GPR137: variants seen among roughly 807,000 people sequenced by gnomAD.
GPR137 encodes integral membrane protein GPR137.
GPR137 carries 20 observed loss-of-function variants against 38.9 expected under a neutral mutation model. The ratio of observed to expected loss-of-function variants is 0.51; its 90% CI spans 0.36 to 0.75. The LOEUF (loss-of-function observed/expected upper bound fraction) is 0.75, where lower values mean the gene tolerates loss of function less well. Among genes scored for constraint, GPR137 ranks in the 30% least tolerant of loss-of-function variants. GPR137 has a pLI of 0.00. For synonymous variants in GPR137, 226 were observed against 235.8 expected (o/e 0.96, Z 0.38); for missense variants, 456 against 526.4 (o/e 0.87, Z 1.31).
Position 64,286,647 on chromosome 11 carries a change from C to G in GPR137, c.123C>G (p.Val41=). ...TTLYALLFFS[V]YAQLWLVLLY... ...TGTATGCCCTGCTCTTCTTCTCCGT[C>G]TATGCCCAGCTCTGGCTGGTGCTTC... Residue 41 remains valine, a synonymous_variant, in exon 1 of 7, where the codon GTC becomes GTG. Transcript: ENST00000438980. The G allele has an allele frequency of 6.2e-7, 1 of 1,614,120 alleles. No homozygotes were observed. The highest frequency in any genetic ancestry group is 8.5e-7 in the Non-Finnish European group (1 of 1,179,972).
upstream of GPR137, among the ~76,000 whole-genome samples, chr11:64,280,633 G>A (rs537441930): frequency 2.0e-4 from 30 of 149,924 alleles, no homozygotes; most frequent in African/African-American, 6.1e-4. Flanking sequence ...TTACAGGCGT[G>A]AGCCACCGCG....
At chr11:64,271,778 ACTCCGGATCTCCACAGCCCCAGCGC>A (rs1325663836), upstream of GPR137, 1 of 1,324,626 alleles carries the variant, frequency 7.5e-7, no homozygotes, top group Non-Finnish European at 9.7e-7. Flanking sequence ...AGCTGTGGCG[ACTCCGGATCTCCACAGCCCCAGCGC>A]CTGCAGAGGG....
chr11:64,284,163 G>T (rs2033676007), upstream of GPR137: 1 of 1,555,970 alleles, frequency 6.4e-7, no homozygotes, highest in Non-Finnish European at 8.7e-7. Context: ...CCGGCAGGTG[G>T]AGGTGGTGGG....
At chr11:64,278,728 G>A (rs184569482) in intron 2 of GPR137, among the ~76,000 whole-genome samples, 1 of 152,338 alleles carries the variant, frequency 6.6e-6, no homozygotes, top group Admixed American at 6.5e-5. Context: ...TGGGCTGTGT[G>A]GGCTGTCACA....
chr11:64,288,679 A>G lies in GPR137; in HGVS notation c.989A>G (p.Asp330Gly). 1 of 1,590,410 alleles carries G rather than the reference A, an allele frequency of 6.3e-7. No individual in the cohort carries two copies. The highest frequency in any genetic ancestry group is 1.7e-4 in the Middle Eastern group (1 of 6,032). ...TTTGACCGGGCTGGGCACTGTGAAGATGAGGGCTGCTCCTGGGAGCACAGC... is the reference window on the plus strand; with the variant it reads ...TTTGACCGGGCTGGGCACTGTGAAGGTGAGGGCTGCTCCTGGGAGCACAGC... Reference protein sequence around the residue: ...YFFDRAGHCEDEGCSWEHSRG... With the variant: ...YFFDRAGHCEGEGCSWEHSRG... The change falls in exon 6 of 7, where the codon GAT (aspartate) becomes GGT (glycine). Residue 330 changes from aspartate to glycine, a missense_variant. Physicochemically the swap from Asp to Gly is moderately conservative, Grantham distance 94. Coordinates refer to ENST00000438980, the MANE Select transcript of GPR137 (RefSeq NM_001170880.2). This position sits in a 1 kb window ranked among gnomAD's most constrained non-coding sequence, Gnocchi z 5.5.
rs375255078 is a variant in GPR137 at position 64,287,863 on chromosome 11, G to A, written c.550G>A (p.Val184Ile). Reference sequence around the variant, plus strand: ...CGTCCTGGTGAGCGACTCCCTGTTCGTCATCTGCGCGCTGTCTCTTGCTGC... The same window carrying A: ...CGTCCTGGTGAGCGACTCCCTGTTCATCATCTGCGCGCTGTCTCTTGCTGC... The part of the protein sequence containing the change: ...VRVLVSDSLF[V>I]ICALSLAACL... Residue 184 changes from valine to isoleucine, a missense_variant, in exon 3 of 7, where the codon GTC becomes ATC. Transcript: ENST00000438980. 5.0e-6 allele frequency: 8 copies of A among 1,604,606 alleles called. No homozygotes were observed. In the African/African-American group the frequency reaches 5.3e-5, roughly 11 times the overall value.
chr11:64,286,781 G>T lies in GPR137; in HGVS notation c.257G>T (p.Arg86Leu). ...TCCTTCTACTTCCGAGATACTCCCC[G>T]CGCCAACCGCCTGGGGCCCTTGCCC... ...LFSFYFRDTP[R>L]ANRLGPLPFW... The change falls in exon 1 of 7, where the codon CGC becomes CTC. Residue 86 changes from arginine to leucine, a missense_variant. Physicochemically the swap from Arg to Leu is moderately radical, Grantham distance 102. Transcript: ENST00000438980. The T allele has an allele frequency of 6.2e-7, 1 of 1,609,848 alleles. No homozygotes were observed. The highest frequency in any genetic ancestry group is 8.5e-7 in the Non-Finnish European group (1 of 1,177,372).
chr11:64,283,554 G>C (rs192288267), upstream of GPR137, among the ~76,000 whole-genome samples: 3 of 152,338 alleles, frequency 2.0e-5, no homozygotes, highest in East Asian at 5.8e-4. Context: ...CCTGGCCACT[G>C]TGCCAGGACA....
chr11:64,281,718 G>A (rs1051150435), upstream of GPR137, among the ~76,000 whole-genome samples: 1 of 152,098 alleles, frequency 6.6e-6, no homozygotes, highest in African/African-American at 2.4e-5. Flanking sequence ...CTGTGACTCC[G>A]GATTCTCTTA....
chr11:64,281,198 C>G (rs1478743540), upstream of GPR137, among the ~76,000 whole-genome samples: 1 of 151,972 alleles, frequency 6.6e-6, no homozygotes, highest in Non-Finnish European at 1.5e-5. Flanking sequence ...TATCTCCTGA[C>G]CTCATGATCT....
At chr11:64,277,404 T>C (rs1346161663) in intron 2 of GPR137, among the ~76,000 whole-genome samples, 1 of 152,190 alleles carries the variant, frequency 6.6e-6, no homozygotes, top group Non-Finnish European at 1.5e-5. Flanking sequence ...GCTCATAAAA[T>C]CAGAAAGTAC....
upstream of GPR137, among the ~76,000 whole-genome samples, chr11:64,271,061 A>T (rs1413864814): frequency 9.0e-3 from 7 of 780 alleles, no homozygotes; most frequent in East Asian, 0.33. Flanking sequence ...CCTGTGACTG[A>T]CACACACACA....
rs1311207809 is a variant in GPR137, at chr11:64,286,946, A to C, written c.358-19A>C. 6.2e-7 allele frequency: 1 copy of C among 1,613,846 alleles called. No individual in the cohort carries two copies. On this transcript the variant is annotated intron_variant, in intron 1 of 6. Coordinates refer to ENST00000438980, the MANE Select transcript of GPR137 (RefSeq NM_001170880.2). ...AAGCCTCAAGGACCCACAGGAGTGA[A>C]GGGCATCTCTGCTCCTAGGTGGTGT...
upstream of GPR137, chr11:64,285,744 T>A (rs2033910627): frequency 5.1e-6 from 5 of 985,252 alleles, no homozygotes; most frequent in Non-Finnish European, 6.0e-6. Context: ...CCAATTCTCG[T>A]ACGGTTTCAC....
upstream of GPR137, among the ~76,000 whole-genome samples, chr11:64,279,611 CA>C (rs1334352045): frequency 6.6e-6 from 1 of 151,390 alleles, no homozygotes; most frequent in Non-Finnish European, 1.5e-5. Flanking sequence ...ACTAAAAACA[CA>C]AAAATTAGCT....
rs545759231 is a variant in GPR137, at chr11:64,286,473, C to T, written c.-52C>T. 1.3e-6 allele frequency: 2 copies of T among 1,562,084 alleles called. No individual in the cohort carries two copies. Among genetic ancestry groups the T allele is most frequent in the Non-Finnish European group, 1.7e-6 (2 of 1,151,810 alleles). Reference sequence around the variant, plus strand: ...CCCTCCGTATTTATTTCCCTGGTCCCGCCGACAGTCCCTCCTTGTCTGTCT... The same window carrying T: ...CCCTCCGTATTTATTTCCCTGGTCCTGCCGACAGTCCCTCCTTGTCTGTCT... On this transcript the variant is annotated 5_prime_UTR_variant, in exon 1 of 7. Coordinates refer to ENST00000438980, the MANE Select transcript of GPR137 (RefSeq NM_001170880.2).
chr11:64,284,677 C>T (rs1195667355), upstream of GPR137: 11 of 1,535,634 alleles, frequency 7.2e-6, no homozygotes, highest in East Asian at 2.7e-4. Context: ...CCGCCTCCCT[C>T]CAGCACCCCG....
In GPR137 at chr11:64,286,704, G is replaced by T; in HGVS notation, c.180G>T (p.Thr60=). 1 of 1,613,706 alleles carries T rather than the reference G, an allele frequency of 6.2e-7. No homozygotes were observed. ...GGCACAAGCGTCTCAGCTATCAGACGGTGTTCCTGGCCCTCTGTCTGCTCT... is the reference window on the plus strand; with the variant it reads ...GGCACAAGCGTCTCAGCTATCAGACTGTGTTCCTGGCCCTCTGTCTGCTCT... The part of the protein sequence containing the change: ...LYGHKRLSYQ[T]VFLALCLLWA... The change falls in exon 1 of 7, where the codon ACG becomes ACT. Residue 60 remains threonine (T), a synonymous_variant. Transcript: ENST00000438980.
chr11:64,272,666 A>C (rs1235224854), upstream of GPR137: 1 of 152,240 alleles, frequency 6.6e-6, no homozygotes, highest in Non-Finnish European at 1.5e-5. Context: ...CTGGGAGGTG[A>C]GTACCAAACA....
Sources: allele counts gnomAD v4.1 joint callset (sites outside exome capture counted in the v4.1 genomes callset), GRCh38; gene constraint gnomAD v4.1.1; non-coding constraint Gnocchi (gnomAD v3.1); transcripts MANE v1.5; gene names NCBI Gene and HGNC (gene_info 2026-07-23, HGNC 2026-07-21).